The following COL24A1 variants were observed in gnomAD, a reference collection of about 807,000 sequenced individuals.
The protein encoded by COL24A1 is collagen type XXIV alpha 1 chain.
COL24A1 carries 224 observed loss-of-function variants against 253.9 expected under a neutral mutation model. The ratio of observed to expected loss-of-function variants is 0.88; its 90% CI spans 0.79 to 0.99. The LOEUF (loss-of-function observed/expected upper bound fraction) is 0.99. COL24A1 is among the 50% of genes least tolerant of loss of function. The pLI is 0.00. For synonymous variants in COL24A1, 685 were observed against 673.7 expected, an observed-to-expected ratio of 1.02 and a Z score of -0.26; for missense variants, 2,131 against 2,068.5, an observed-to-expected ratio of 1.03 and a Z score of -0.59.
chr1:86,137,471 C>T (rs1650428273), intron 2 of COL24A1, among the ~76,000 whole-genome samples: 2 of 152,058 alleles, frequency 1.3e-5, no homozygotes. Context: ...CCAAGCTTAC[C>T]CAGCTAGGGA....
At chr1:85,810,009 T>G (rs1259766992) in intron 47 of COL24A1, among the ~76,000 whole-genome samples, 1 of 151,928 alleles carries the variant, frequency 6.6e-6, no homozygotes, top group Non-Finnish European at 1.5e-5. Context: ...TTTCTATCTC[T>G]CTGAATTTGA....
chr1:85,905,701 C>T (rs965063337), intron 28 of COL24A1, among the ~76,000 whole-genome samples: 2 of 151,952 alleles, frequency 1.3e-5, no homozygotes, highest in Non-Finnish European at 2.9e-5. Flanking sequence ...GACAAAGTGA[C>T]AAATCAGGAA....
chr1:85,822,307 CA>C (rs1034042646), intron 45 of COL24A1, among the ~76,000 whole-genome samples: 4 of 152,166 alleles, frequency 2.6e-5, no homozygotes, highest in African/African-American at 9.7e-5. Flanking sequence ...GGCTGCTTAA[CA>C]AATCAGGAGA....
chr1:86,125,461 T>C lies in COL24A1; in HGVS notation c.875A>G (p.Asn292Ser), dbSNP rs1162670113. The change falls in exon 3 of 60, where the codon AAT (asparagine) becomes AGT (serine). Residue 292 changes from asparagine to serine, a missense_variant. By Grantham distance (46) the Asn-to-Ser change is conservative. Coordinates refer to ENST00000370571, the MANE Select transcript of COL24A1 (RefSeq NM_152890.7). ...GGTTTCAGAATCATTTTTTATGATA[T>C]TTGGAATGCTTTTGCCTTCAGTAAA... Reference protein sequence around the residue: ...DTFTEGKSIPNIIKNDSETVY... With the variant: ...DTFTEGKSIPSIIKNDSETVY... 2 of 1,613,588 alleles carry C rather than the reference T, an allele frequency of 1.2e-6. No homozygotes were observed. The highest frequency in any genetic ancestry group is 2.2e-5 in the East Asian group (1 of 44,858).
At chr1:85,897,449 T>TA (rs574169363) in intron 28 of COL24A1, among the ~76,000 whole-genome samples, 3,655 of 139,856 alleles carry the variant, frequency 0.026, 142 homozygotes, top group African/African-American at 0.087. Flanking sequence ...TTAGCTGGAA[T>TA]AAAAAAAAAA....
In COL24A1 at chr1:86,156,393, G is replaced by A. The variant is rs1244078857; in HGVS notation, c.4C>T (p.His2Tyr). Residue 2 changes from histidine (H) to tyrosine (Y), a missense_variant, in exon 1 of 60, where the codon CAT becomes TAT. His to Tyr is a moderately conservative substitution (Grantham distance 83, BLOSUM62 2). Transcript: ENST00000370571. ...CGCCTTGTTCTGTGGGCTCTTAAAT[G>A]CATTTGTATGCATTTGTCCGTGCAG... Reference protein sequence around the residue: MHLRAHRTRRGK... With the variant: MYLRAHRTRRGK... 35 of 1,611,548 alleles carry A rather than the reference G, an allele frequency of 2.2e-5. No homozygotes were observed. The highest frequency in any genetic ancestry group is 2.9e-5 in the Non-Finnish European group (34 of 1,178,976).
intron 28 of COL24A1, among the ~76,000 whole-genome samples, chr1:85,903,770 G>A (rs143148211): frequency 2.2e-4 from 33 of 152,170 alleles, no homozygotes; most frequent in Admixed American, 4.6e-4. Context: ...CCACTACTTC[G>A]TATGATGTTA....
intron 46 of COL24A1, 69 bp downstream of exon 46, chr1:85,817,965 T>C: frequency 7.4e-7 from 1 of 1,351,952 alleles, no homozygotes. Context: ...GGCCCCAAAC[T>C]TTTCTGCTTG....
At chr1:85,984,429 T>C (rs1230245937) in intron 20 of COL24A1, among the ~76,000 whole-genome samples, 1 of 151,854 alleles carries the variant, frequency 6.6e-6, no homozygotes, top group Non-Finnish European at 1.5e-5. Context: ...TCTCTCCCAC[T>C]AAATTGTAAC....
At chr1:85,876,116 CGAATGATATAA>C (rs1228993768) in intron 33 of COL24A1, among the ~76,000 whole-genome samples, 1 of 151,566 alleles carries the variant, frequency 6.6e-6, no homozygotes, top group Admixed American at 6.6e-5. Context: ...TTAAAGGAAA[CGAATGATATAA>C]GAATGATAAA....
At chr1:85,819,832 G>A (rs1265809403) in intron 45 of COL24A1, among the ~76,000 whole-genome samples, 1 of 151,000 alleles carries the variant, frequency 6.6e-6, no homozygotes, top group Non-Finnish European at 1.5e-5. Flanking sequence ...TCCTACCCTT[G>A]AGTCTTTCTC....
chr1:86,037,835 T>C lies in COL24A1; in HGVS notation c.1951-3912A>G, dbSNP rs79824627. Among the ~76,000 whole-genome samples, 324 of 152,168 alleles carry C rather than the reference T, an allele frequency of 2.1e-3. 1 individual carries two copies. Among genetic ancestry groups the C allele is most frequent in the African/African-American group, 7.4e-3 (309 of 41,558 alleles). ...CTTCTTTAGAGAATATATAATGTCT[T>C]ATTTCCAAATTTTACCATAGGTAAT... On this transcript the variant is annotated intron_variant, in intron 12 of 59. Coordinates refer to ENST00000370571, the MANE Select transcript of COL24A1 (RefSeq NM_152890.7).
At chr1:86,076,495 C>T (rs1702257093) in intron 7 of COL24A1, among the ~76,000 whole-genome samples, 1 of 152,176 alleles carries the variant, frequency 6.6e-6, no homozygotes, top group African/African-American at 2.4e-5. Context: ...AATGCTATCC[C>T]CATTCAAGCT....
chr1:86,094,054 G>A (rs976655711), intron 5 of COL24A1, among the ~76,000 whole-genome samples: 1 of 152,134 alleles, frequency 6.6e-6, no homozygotes, highest in Non-Finnish European at 1.5e-5. Flanking sequence ...GTATAAATCA[G>A]TTCACCCATT....
intron 47 of COL24A1, among the ~76,000 whole-genome samples, chr1:85,798,827 C>T (rs552364544): frequency 9.2e-5 from 14 of 152,024 alleles, no homozygotes; most frequent in Non-Finnish European, 1.5e-4. Flanking sequence ...TTAGTCAAGT[C>T]GTTAGTTTTA....
intron 43 of COL24A1, among the ~76,000 whole-genome samples, chr1:85,832,287 T>C: frequency 6.6e-6 from 1 of 152,074 alleles, no homozygotes; most frequent in East Asian, 1.9e-4. Context: ...TTGATCCATA[T>C]CTCTGTTTTG....
chr1:85,910,006 T>C lies in COL24A1; in HGVS notation c.2617-3A>G. 1 of 1,608,422 alleles carries C rather than the reference T, an allele frequency of 6.2e-7. No homozygotes were observed. The highest frequency in any genetic ancestry group is 8.5e-7 in the Non-Finnish European group (1 of 1,175,426). ...GGGCCTGGACTTCCACGTTCTCCCT[T>C]TTAAGAGAACAAAGAAAAAAGAGTA... On this transcript the variant is annotated splice_region_variant and splice_polypyrimidine_tract_variant and intron_variant, in intron 25 of 59. Coordinates refer to ENST00000370571, the MANE Select transcript of COL24A1 (RefSeq NM_152890.7).
At chr1:86,109,376 TTAA>T (rs1667435098) in intron 5 of COL24A1, among the ~76,000 whole-genome samples, 1 of 151,960 alleles carries the variant, frequency 6.6e-6, no homozygotes, top group Non-Finnish European at 1.5e-5. Context: ...TTATTACCTA[TTAA>T]TAATAATGAT....
chr1:85,938,098 G>T (rs918971906), intron 24 of COL24A1, among the ~76,000 whole-genome samples: 3 of 147,484 alleles, frequency 2.0e-5, no homozygotes, highest in Non-Finnish European at 1.5e-5. Flanking sequence ...AGGAGGTGAT[G>T]CTTTATGAGG....
Sources: allele counts gnomAD v4.1 joint callset (sites outside exome capture counted in the v4.1 genomes callset), GRCh38; gene constraint gnomAD v4.1.1; transcripts MANE v1.5; gene names NCBI Gene and HGNC (gene_info 2026-07-23, HGNC 2026-07-21).